OTUD7A: variants seen among roughly 807,000 people sequenced by gnomAD.
The protein encoded by OTUD7A is OTU domain-containing protein 7A.
In OTUD7A, 12 loss-of-function variants were observed where a neutral mutation model predicts 65.7. That is an observed-to-expected ratio of 0.18 (90% CI 0.12 to 0.30). The LOEUF is 0.30. OTUD7A is among the 10% of genes least tolerant of loss of function. OTUD7A has a pLI of 1.00. For missense variants in OTUD7A, 1,148 were observed against 1,304.8 expected (o/e 0.88, Z 1.85); for synonymous variants, 641 against 586.3 (o/e 1.09, Z -1.35).
Position 31,621,645 on chromosome 15 carries a change from G to C in OTUD7A, c.151+33451C>G, listed in dbSNP as rs1033270780. ...AGATCTTCCTCCATCCCTTTATTTT[G>C]AGCCTATTTGTGTCTCTGCATGTGA... On this transcript the variant is annotated intron_variant, in intron 3 of 12. Coordinates refer to ENST00000307050, the MANE Select transcript of OTUD7A (RefSeq NM_001382637.1). 1.3e-4 allele frequency among the ~76,000 whole-genome samples: 20 copies of C among 151,014 alleles called. No individual in the cohort carries two copies. The South Asian group carries it at 3.4e-3, about 25-fold the overall frequency.
intron 1 of OTUD7A, 99 bp downstream of exon 1, chr15:31,870,408 A>G (rs1436563581): frequency 2.1e-5 from 3 of 145,750 alleles, no homozygotes; most frequent in African/African-American, 7.4e-5. Flanking sequence ...GAGCTCGGGA[A>G]GGAGACGGCG....
chr15:31,834,381 G>C (rs935129999), intron 1 of OTUD7A, among the ~76,000 whole-genome samples: 2 of 152,164 alleles, frequency 1.3e-5, no homozygotes, highest in Non-Finnish European at 2.9e-5. Context: ...TCTTCGTCTT[G>C]CTGGTATATG....
chr15:31,764,416 A>G (rs1173936131), intron 1 of OTUD7A, among the ~76,000 whole-genome samples: 1 of 152,154 alleles, frequency 6.6e-6, no homozygotes, highest in Non-Finnish European at 1.5e-5. Flanking sequence ...AAACATTAAG[A>G]TTTTATTACA....
chr15:31,721,928 A>G (rs1166137410), intron 1 of OTUD7A, among the ~76,000 whole-genome samples: 3 of 152,270 alleles, frequency 2.0e-5, no homozygotes, highest in Non-Finnish European at 4.4e-5. Context: ...CCAGTGCAGC[A>G]TCTGGCTCGA....
intron 3 of OTUD7A, among the ~76,000 whole-genome samples, chr15:31,654,851 G>A (rs777862466): frequency 6.6e-6 from 1 of 152,170 alleles, no homozygotes; most frequent in Non-Finnish European, 1.5e-5. Flanking sequence ...CTAACACAGA[G>A]ATATGAAACT....
intron 3 of OTUD7A, among the ~76,000 whole-genome samples, chr15:31,616,913 G>A (rs1452551354): frequency 2.6e-5 from 4 of 152,122 alleles, no homozygotes; most frequent in African/African-American, 9.7e-5. Flanking sequence ...AAAGCCCAAA[G>A]TACTTACTAT....
chr15:31,638,574 T>C (rs1595676600), intron 3 of OTUD7A, among the ~76,000 whole-genome samples: 1 of 151,432 alleles, frequency 6.6e-6, no homozygotes, highest in African/African-American at 2.4e-5. Context: ...TTTTTTTTTT[T>C]TCAATAGAGA....
chr15:31,566,151 A>G (rs932492442), intron 4 of OTUD7A, among the ~76,000 whole-genome samples: 3 of 151,268 alleles, frequency 2.0e-5, no homozygotes, highest in Admixed American at 6.6e-5. Context: ...AGATTGCGCC[A>G]CTGCACTCCA....
chr15:31,779,783 G>A (rs1895488257), intron 1 of OTUD7A, among the ~76,000 whole-genome samples: 1 of 152,132 alleles, frequency 6.6e-6, no homozygotes, highest in Admixed American at 6.5e-5. Context: ...AGAAATGGAG[G>A]AGGTGGGTGC....
At chr15:31,854,215 C>A (rs910297247) in intron 1 of OTUD7A, among the ~76,000 whole-genome samples, 1 of 152,130 alleles carries the variant, frequency 6.6e-6, no homozygotes, top group African/African-American at 2.4e-5. Context: ...GGCTTATGGA[C>A]CCCTTCCAGG....
At chr15:31,523,111 A>G (rs1277541540) in intron 8 of OTUD7A, among the ~76,000 whole-genome samples, 1 of 152,180 alleles carries the variant, frequency 6.6e-6, no homozygotes, top group Non-Finnish European at 1.5e-5. Context: ...CCCGGGTGGC[A>G]CCCTGGAAAT....
chr15:31,832,754 C>A (rs1471073855), intron 1 of OTUD7A, among the ~76,000 whole-genome samples: 1 of 152,172 alleles, frequency 6.6e-6, no homozygotes, highest in Non-Finnish European at 1.5e-5. Flanking sequence ...GAGGTTCATG[C>A]ATGTTGTAGC....
At chr15:31,583,317 G>A (rs539299587) in intron 3 of OTUD7A, among the ~76,000 whole-genome samples, 1 of 152,336 alleles carries the variant, frequency 6.6e-6, no homozygotes, top group African/African-American at 2.4e-5. Flanking sequence ...CAGATGCATG[G>A]CAGAGGCAGA....
chr15:31,785,380 A>AT (rs948092398), intron 1 of OTUD7A, among the ~76,000 whole-genome samples: 2 of 152,074 alleles, frequency 1.3e-5, no homozygotes, highest in African/African-American at 2.4e-5. Flanking sequence ...CATGTCTCAT[A>AT]TTTTTCTGTT....
intron 1 of OTUD7A, among the ~76,000 whole-genome samples, chr15:31,769,289 T>C (rs1895169876): frequency 6.6e-6 from 1 of 152,222 alleles, no homozygotes; most frequent in Non-Finnish European, 1.5e-5. Flanking sequence ...AGAGATAATA[T>C]GTAATGATAA....
intron 1 of OTUD7A, among the ~76,000 whole-genome samples, chr15:31,687,581 T>C (rs952294454): frequency 1.3e-5 from 2 of 152,160 alleles, no homozygotes; most frequent in African/African-American, 2.4e-5. Context: ...TGAAGGTTTG[T>C]GAGGAGAAAT....
intron 1 of OTUD7A, among the ~76,000 whole-genome samples, chr15:31,793,521 C>A (rs945206736): frequency 2.0e-5 from 3 of 152,182 alleles, no homozygotes; most frequent in Non-Finnish European, 4.4e-5. Flanking sequence ...TATGTCTCCT[C>A]CTACAAACCA....
chr15:31,756,247 G>A (rs1894808511), intron 1 of OTUD7A, among the ~76,000 whole-genome samples: 1 of 152,116 alleles, frequency 6.6e-6, no homozygotes, highest in Non-Finnish European at 1.5e-5. Flanking sequence ...TTTTTATTTT[G>A]TAGTTTGAGT....
intron 1 of OTUD7A, among the ~76,000 whole-genome samples, chr15:31,861,887 A>G (rs1897751283): frequency 6.6e-6 from 1 of 152,208 alleles, no homozygotes; most frequent in Non-Finnish European, 1.5e-5. Flanking sequence ...CATCCCACAG[A>G]TGGCACAGAC....
Sources: gnomAD v4.1 joint callset for allele counts (sites outside exome capture counted in the v4.1 genomes callset) on GRCh38, gnomAD v4.1.1 for gene constraint, MANE v1.5 for transcripts, NCBI Gene and HGNC (gene_info 2026-07-23, HGNC 2026-07-21) for gene names.